The following EYA4 variants were observed in gnomAD, a reference collection of about 807,000 sequenced individuals.
The protein encoded by EYA4 is protein phosphatase EYA4.
EYA4 carries 31 observed loss-of-function variants against 87.9 expected under a neutral mutation model. The observed-to-expected ratio is 0.35, with a 90% CI of 0.27 to 0.48. The LOEUF is 0.48. Ranked by LOEUF, EYA4 falls within the 20% of genes least tolerant of loss-of-function variation. The pLI is 0.99. For missense variants in EYA4, 678 were observed against 761.4 expected (o/e 0.89, Z 1.29); for synonymous variants, 263 against 270.6 (o/e 0.97, Z 0.28).
chr6:133,379,518 T>A (rs188236319), intron 2 of EYA4, among the ~76,000 whole-genome samples: 132 of 152,310 alleles, frequency 8.7e-4, no homozygotes, highest in East Asian at 7.9e-3. Context: ...TAACCTTTTT[T>A]GTCTTCGGTA....
At chr6:133,264,877 G>A (rs1412005124) in intron 1 of EYA4, among the ~76,000 whole-genome samples, 2 of 152,048 alleles carry the variant, frequency 1.3e-5, no homozygotes, top group African/African-American at 4.8e-5. Flanking sequence ...CTGTCACCTA[G>A]AAGAAGTGCA....
chr6:133,358,080 C>T (rs1784202408), intron 2 of EYA4, among the ~76,000 whole-genome samples: 3 of 152,094 alleles, frequency 2.0e-5, no homozygotes, highest in Admixed American at 1.3e-4. Flanking sequence ...GCGAACCTCC[C>T]GATAGCTTCA....
intron 3 of EYA4, among the ~76,000 whole-genome samples, chr6:133,425,296 C>CT (rs1242414362): frequency 6.6e-6 from 1 of 150,684 alleles, no homozygotes; most frequent in East Asian, 2.0e-4. Context: ...GTTAAAGGAA[C>CT]TTAGACATGT....
intron 3 of EYA4, among the ~76,000 whole-genome samples, chr6:133,417,855 A>G (rs1319315679): frequency 6.6e-6 from 1 of 152,304 alleles, no homozygotes; most frequent in African/African-American, 2.4e-5. Flanking sequence ...AAGTTTCTTA[A>G]TTAAAATCTG....
At chr6:133,301,261 G>A (rs1779383858) in intron 2 of EYA4, among the ~76,000 whole-genome samples, 1 of 152,102 alleles carries the variant, frequency 6.6e-6, no homozygotes, top group African/African-American at 2.4e-5. Flanking sequence ...ATTTCCTTAA[G>A]GAAAACCTGA....
At chr6:133,413,670 T>C (rs1789448867) in intron 3 of EYA4, among the ~76,000 whole-genome samples, 1 of 152,152 alleles carries the variant, frequency 6.6e-6, no homozygotes, top group Non-Finnish European at 1.5e-5. Flanking sequence ...TTACCACACT[T>C]TTCTGGGGTG....
Position 133,446,736 on chromosome 6 carries a change from A to T in EYA4, c.190A>T (p.Thr64Ser). 1.2e-6 allele frequency: 2 copies of T among 1,614,008 alleles called. No individual in the cohort carries two copies. The highest frequency in any genetic ancestry group is 1.7e-6 in the Non-Finnish European group (2 of 1,179,948). Residue 64 changes from threonine (T) to serine (S), a missense_variant, in exon 4 of 20, where the codon ACT (threonine) becomes TCT (serine). Transcript: ENST00000355286. ...EKSNLSSTSV[T>S]TNGTGGENMT... ...ATCTAATCTCAGCAGCACATCAGTT[A>T]CTACAAATGGGACAGGAGGTAAGTG...
intron 1 of EYA4, among the ~76,000 whole-genome samples, chr6:133,242,710 C>A (rs892025886): frequency 2.0e-5 from 3 of 152,134 alleles, no homozygotes. Flanking sequence ...CAGCTCGGAG[C>A]GATTAGGGAA....
At chr6:133,488,024 A>G (rs1796828500) in intron 13 of EYA4, among the ~76,000 whole-genome samples, 1 of 152,134 alleles carries the variant, frequency 6.6e-6, no homozygotes, top group South Asian at 2.1e-4. Flanking sequence ...GGAGAGCCCT[A>G]GGCATGAAAG....
chr6:133,327,880 C>T (rs1020723697), intron 2 of EYA4, among the ~76,000 whole-genome samples: 1 of 152,168 alleles, frequency 6.6e-6, no homozygotes, highest in African/African-American at 2.4e-5. Context: ...AGATGATAGC[C>T]TGGGCAGGAT....
intron 2 of EYA4, among the ~76,000 whole-genome samples, chr6:133,305,596 T>C (rs1779742844): frequency 6.6e-6 from 1 of 152,228 alleles, no homozygotes; most frequent in Admixed American, 6.5e-5. Flanking sequence ...CTTGTAAGAA[T>C]AGGAACTTTG....
intron 11 of EYA4, among the ~76,000 whole-genome samples, chr6:133,476,853 G>A (rs1222321414): frequency 6.6e-6 from 1 of 151,974 alleles, no homozygotes; most frequent in Non-Finnish European, 1.5e-5. Context: ...GTTTGGTGGT[G>A]TCCCCATCCA....
At chr6:133,381,687 A>G (rs976628978) in intron 2 of EYA4, among the ~76,000 whole-genome samples, 1 of 152,142 alleles carries the variant, frequency 6.6e-6, no homozygotes, top group African/African-American at 2.4e-5. Context: ...GACCATAATA[A>G]TCAGATATAG....
At chr6:133,329,065 A>G (rs749014891) in intron 2 of EYA4, among the ~76,000 whole-genome samples, 2 of 152,224 alleles carry the variant, frequency 1.3e-5, no homozygotes, top group Non-Finnish European at 2.9e-5. Flanking sequence ...ATGATCCTTC[A>G]CTTTAAATCT....
At chr6:133,337,489 G>A (rs146176557) in intron 2 of EYA4, among the ~76,000 whole-genome samples, 3 of 152,240 alleles carry the variant, frequency 2.0e-5, no homozygotes, top group East Asian at 3.9e-4. Context: ...GTCTGAAAGT[G>A]GGCAAGTTTG....
chr6:133,314,291 T>G (rs1311967758), intron 2 of EYA4, among the ~76,000 whole-genome samples: 1 of 152,210 alleles, frequency 6.6e-6, no homozygotes, highest in African/African-American at 2.4e-5. Flanking sequence ...AGTTGTTAAC[T>G]TCTGCAAAAC....
chr6:133,308,961 T>A (rs919198985), intron 2 of EYA4, among the ~76,000 whole-genome samples: 54 of 150,974 alleles, frequency 3.6e-4, no homozygotes, highest in Admixed American at 2.8e-3. Flanking sequence ...GAATTTTTTT[T>A]ATCTAAATTG....
chr6:133,500,105 G>A (rs889205550), intron 13 of EYA4, among the ~76,000 whole-genome samples: 4 of 151,080 alleles, frequency 2.6e-5, no homozygotes, highest in African/African-American at 7.3e-5. Context: ...CAATGGTGCT[G>A]GTCTGTGAAC....
chr6:133,252,331 A>T (rs1049604754), intron 1 of EYA4, among the ~76,000 whole-genome samples: 1 of 152,244 alleles, frequency 6.6e-6, no homozygotes, highest in African/African-American at 2.4e-5. Context: ...CAAAAGAATT[A>T]TGTGTAGCTT....
Sources: allele counts gnomAD v4.1 joint callset (sites outside exome capture counted in the v4.1 genomes callset), GRCh38; gene constraint gnomAD v4.1.1; transcripts MANE v1.5; gene names NCBI Gene and HGNC (gene_info 2026-07-23, HGNC 2026-07-21).